The following PLAAT2 variants were observed in gnomAD, a reference collection of about 807,000 sequenced individuals.
The protein encoded by PLAAT2 is HRAS like suppressor 2.
Under a neutral mutation model 12.8 loss-of-function variants are expected in PLAAT2, and 12 were observed. The ratio of observed to expected loss-of-function variants is 0.94; its 90% CI spans 0.60 to 1.52. PLAAT2 has a LOEUF of 1.52. Among genes scored for constraint, PLAAT2 ranks in the 40% most tolerant of loss-of-function variants. The probability of loss-of-function intolerance (pLI) is 0.00; values close to 1 mark genes in which losing one functional copy is unlikely to be tolerated. For synonymous variants in PLAAT2, 79 were observed against 86.8 expected (o/e 0.91, Z 0.50); for missense variants, 166 against 208.1 (o/e 0.80, Z 1.24).
Position 63,553,488 on chromosome 11 carries a change from A to G in PLAAT2, c.388-423T>C, listed in dbSNP as rs575922869. On this transcript the variant is annotated intron_variant, in intron 3 of 3. Transcript: ENST00000255695. ...GACCCCCATCTCTACAAAAAAATACAAAAAAAAAAAAACAGCTGAGTCCAG... is the reference window on the plus strand; with the variant it reads ...GACCCCCATCTCTACAAAAAAATACGAAAAAAAAAAAACAGCTGAGTCCAG... 8.1e-5 allele frequency among the ~76,000 whole-genome samples: 11 copies of G among 135,144 alleles called. No homozygotes were observed. In the South Asian group the frequency reaches 2.7e-3, roughly 33 times the overall value. 88.7% of individuals were successfully genotyped at this position (135,144 alleles called of 152,430 possible).
chr11:63,555,423 C>T (rs2017458065), intron 3 of PLAAT2, among the ~76,000 whole-genome samples: 1 of 152,204 alleles, frequency 6.6e-6, no homozygotes, highest in African/African-American at 2.4e-5. Flanking sequence ...ATGAGTGGCT[C>T]ATGCCTGTAA....
upstream of PLAAT2, among the ~76,000 whole-genome samples, chr11:63,564,161 T>C (rs2017544116): frequency 6.6e-6 from 1 of 152,204 alleles, no homozygotes; most frequent in Admixed American, 6.5e-5. Flanking sequence ...GTGAGCCTGC[T>C]TGGACAGCAG....
chr11:63,563,293 TA>T, intron 1 of PLAAT2, 22 bp downstream of exon 1: 1 of 1,613,998 alleles, frequency 6.2e-7, no homozygotes, highest in African/African-American at 1.3e-5. Flanking sequence ...ATCAAAGCTT[TA>T]AAACCGTTTC....
chr11:63,563,708 A>C (rs1185063736), upstream of PLAAT2, among the ~76,000 whole-genome samples: 5 of 123,854 alleles, frequency 4.0e-5, no homozygotes, highest in Non-Finnish European at 6.3e-5. Context: ...GCAGGGCGAG[A>C]CTCAGTCAAA....
intron 1 of PLAAT2, among the ~76,000 whole-genome samples, chr11:63,562,593 G>A (rs912963124): frequency 7.2e-5 from 11 of 152,086 alleles, no homozygotes; most frequent in Admixed American, 3.9e-4. Flanking sequence ...CTGACTTTTG[G>A]GCAGCCCCCT....
chr11:63,563,459 C>G, upstream of PLAAT2: 2 of 1,031,856 alleles, frequency 1.9e-6, no homozygotes, highest in Non-Finnish European at 3.0e-6. Flanking sequence ...TGGCTCACAC[C>G]TGTAATCCCA....
In PLAAT2 at chr11:63,558,388, G is replaced by A. The variant is rs1283648143; in HGVS notation, c.387+4C>T. 6.2e-7 allele frequency: 1 copy of A among 1,612,232 alleles called. No homozygotes were observed. Among genetic ancestry groups the A allele is most frequent in the South Asian group, 1.1e-5 (1 of 91,058 alleles). ...TGGGAAGGGGATGCAGGCTGAAGAT[G>A]CACCTGGTCACTGCGGGAGACGCCA... On this transcript the variant is annotated splice_donor_region_variant and intron_variant, in intron 3 of 3. Coordinates refer to ENST00000255695, the MANE Select transcript of PLAAT2 (RefSeq NM_017878.2).
chr11:63,565,001 C>G (rs1172995334), upstream of PLAAT2, among the ~76,000 whole-genome samples: 1 of 152,058 alleles, frequency 6.6e-6, no homozygotes, highest in East Asian at 1.9e-4. Flanking sequence ...CCAAGCTGTT[C>G]AGAGTGTCAG....
chr11:63,561,514 A>C (rs1423319171), intron 1 of PLAAT2, among the ~76,000 whole-genome samples: 1 of 151,994 alleles, frequency 6.6e-6, no homozygotes, highest in East Asian at 1.9e-4. Flanking sequence ...GTATAGTGGC[A>C]GGTGCCTGTA....
chr11:63,562,718 G>T (rs2017529430), intron 1 of PLAAT2, among the ~76,000 whole-genome samples: 1 of 152,168 alleles, frequency 6.6e-6, no homozygotes, highest in Non-Finnish European at 1.5e-5. Context: ...GAAGTGTTTA[G>T]CATGGTGTCT....
chr11:63,556,916 G>T (rs1020517398), intron 3 of PLAAT2, among the ~76,000 whole-genome samples: 5 of 152,194 alleles, frequency 3.3e-5, no homozygotes, highest in Non-Finnish European at 5.9e-5. Context: ...TCTAAAGTGA[G>T]ATGGTTATCA....
Position 63,558,476 on chromosome 11 carries a change from C to A in PLAAT2, c.303G>T (p.Gly101=), listed in dbSNP as rs1347401640. The A allele has an allele frequency of 3.7e-6, 6 of 1,614,098 alleles. No homozygotes were observed. In the Admixed American group the frequency reaches 1.0e-4, roughly 27 times the overall value. Residue 101 remains glycine, a synonymous_variant, in exon 3 of 4, where the codon GGG becomes GGT. Transcript: ENST00000255695. The part of the protein sequence containing the change: ...KIVKRAEELV[G]QELPYSLTSD... ...TGGTCAGCGAATAAGGCAACTCCTG[C>A]CCCACCAACTCCTCTGCCCGCTTGA...
chr11:63,558,580 C>G lies in PLAAT2; in HGVS notation c.199G>C (p.Val67Leu). ...CTGTAGTTGTCTCCCCCAGCCACCA[C>G]AGACAGCAGTTCCTTCTTCACTATG... ...KAIVKKELLS[V>L]VAGGDNYRVN... The change falls in exon 3 of 4, where the codon GTG (valine) becomes CTG (leucine). Residue 67 changes from valine (V) to leucine (L), a missense_variant. Coordinates refer to ENST00000255695, the MANE Select transcript of PLAAT2 (RefSeq NM_017878.2). The G allele has an allele frequency of 6.2e-7, 1 of 1,614,258 alleles. No individual in the cohort carries two copies. The highest frequency in any genetic ancestry group is 8.5e-7 in the Non-Finnish European group (1 of 1,180,048).
chr11:63,555,896 T>G (rs2017461944), intron 3 of PLAAT2, among the ~76,000 whole-genome samples: 4 of 152,204 alleles, frequency 2.6e-5, no homozygotes, highest in Admixed American at 2.6e-4. Context: ...GGATTCATAA[T>G]TATAAGTCCT....
At chr11:63,554,119 A>G (rs1331533808) in intron 3 of PLAAT2, among the ~76,000 whole-genome samples, 4 of 135,770 alleles carry the variant, frequency 2.9e-5, no homozygotes, top group South Asian at 4.9e-4. Context: ...TGCCTGGGCC[A>G]CTGTCTCTGA....
chr11:63,554,404 G>C (rs1229051846), intron 3 of PLAAT2, among the ~76,000 whole-genome samples: 1 of 151,750 alleles, frequency 6.6e-6, no homozygotes, highest in East Asian at 1.9e-4. Flanking sequence ...GGCTGAGGTG[G>C]GCAGATCATT....
intron 3 of PLAAT2, among the ~76,000 whole-genome samples, chr11:63,554,229 G>A (rs2017445217): frequency 6.6e-6 from 1 of 152,096 alleles, no homozygotes; most frequent in African/African-American, 2.4e-5. Context: ...ACTGTGCTGG[G>A]AACTCTCCAG....
intron 3 of PLAAT2, among the ~76,000 whole-genome samples, chr11:63,556,724 A>G (rs2017469664): frequency 6.6e-6 from 1 of 152,220 alleles, no homozygotes; most frequent in Non-Finnish European, 1.5e-5. Flanking sequence ...ATCATACAAC[A>G]GAACAGCTAA....
upstream of PLAAT2, among the ~76,000 whole-genome samples, chr11:63,564,740 C>T (rs532555168): frequency 7.9e-5 from 12 of 152,236 alleles, no homozygotes; most frequent in Admixed American, 2.0e-4. Context: ...ACCTCTGGGC[C>T]GGTCCCACTC....
Sources: allele counts gnomAD v4.1 joint callset (sites outside exome capture counted in the v4.1 genomes callset), GRCh38; gene constraint gnomAD v4.1.1; transcripts MANE v1.5; gene names NCBI Gene and HGNC (gene_info 2026-07-23, HGNC 2026-07-21).